The following VAPA variants were observed in gnomAD, a reference collection of about 807,000 sequenced individuals.
VAPA encodes the protein VAMP associated protein A, also known as vesicle-associated membrane protein-associated protein A.
VAPA carries 6 observed loss-of-function variants against 25.6 expected under a neutral mutation model. That is an observed-to-expected ratio of 0.23 (90% CI 0.13 to 0.46). The LOEUF is 0.46. Ranked by LOEUF, VAPA falls within the 20% of genes least tolerant of loss-of-function variation. The pLI is 0.99. For synonymous variants in VAPA, 112 were observed against 106.2 expected, an observed-to-expected ratio of 1.05 and a Z score of -0.34; for missense variants, 244 against 302.1, an observed-to-expected ratio of 0.81 and a Z score of 1.43.
At chr18:9,932,490 G>A (rs2069265794) in intron 2 of VAPA, among the ~76,000 whole-genome samples, 1 of 152,164 alleles carries the variant, frequency 6.6e-6, no homozygotes, top group African/African-American at 2.4e-5. Context: ...ACTTGTCAAA[G>A]AAGTATGCTT....
chr18:9,956,013 T>C lies in VAPA; in HGVS notation c.*1802T>C, dbSNP rs567051931. On this transcript the variant is annotated 3_prime_UTR_variant, in exon 6 of 6. Coordinates refer to ENST00000400000, the MANE Select transcript of VAPA (RefSeq NM_194434.3). The stretch of plus-strand genomic sequence containing the variant: ...TAAAGCTCTTATATAATCAATATTA[T>C]TGGTGGTAAATACCAAGTTTGGTAT... The C allele has an allele frequency of 1.3e-5, 2 of 152,342 alleles. No homozygotes were observed. Among genetic ancestry groups the C allele is most frequent in the East Asian group, 3.9e-4 (2 of 5,188 alleles). 9.4% of individuals were successfully genotyped at this position (152,342 alleles called of 1,614,324 possible). A position where few individuals can be genotyped will look rare whatever the true frequency, so the allele number is the denominator to read the frequency against.
At position 9,954,989 on chromosome 18, in the gene VAPA, G is replaced by A. The variant is rs909546837; in HGVS notation, c.*778G>A. The A allele has an allele frequency of 1.4e-4, 21 of 152,102 alleles. No individual in the cohort carries two copies. Among genetic ancestry groups the A allele is most frequent in the African/African-American group, 4.6e-4 (19 of 41,410 alleles). The allele number at this position is 152,102 out of a possible 1,614,324, so 9.4% of individuals were successfully genotyped here. A position where few individuals can be genotyped will look rare whatever the true frequency, so the allele number is the denominator to read the frequency against. On this transcript the variant is annotated 3_prime_UTR_variant, in exon 6 of 6. Coordinates refer to ENST00000400000, the MANE Select transcript of VAPA (RefSeq NM_194434.3). ...AGGAAAGGAGTTGATTAAATTTTAA[G>A]GTACCACTGGTATTTTGGGAGATTA... is the stretch of plus-strand genomic sequence containing the variant.
chr18:9,937,397 A>C (rs1439076393), intron 4 of VAPA, among the ~76,000 whole-genome samples: 2 of 152,150 alleles, frequency 1.3e-5, no homozygotes, highest in African/African-American at 4.8e-5. Flanking sequence ...AAAAATACAT[A>C]TAAATTGCTT....
At chr18:9,915,861 G>A (rs148638286) in intron 1 of VAPA, 1 of 152,194 alleles carries the variant, frequency 6.6e-6, no homozygotes, top group African/African-American at 2.4e-5. Context: ...GTATTTTATT[G>A]CAAGTTTATG....
In VAPA at chr18:9,944,926, T is replaced by A. The variant is rs779132566; in HGVS notation, c.418-5469T>A. 10 of 1,613,846 alleles carry A rather than the reference T, an allele frequency of 6.2e-6. No homozygotes were observed. The African/African-American group carries it at 1.2e-4, about 19-fold the overall frequency. On this transcript the variant is annotated intron_variant, in intron 4 of 5. Transcript: ENST00000400000. The stretch of plus-strand genomic sequence containing the variant: ...ATATGTTTCCCATGCCATCTCAGGG[T>A]ATAACTCCACCAGGGAATGCTCCGA...
chr18:9,915,499 G>A (rs1176531052), intron 1 of VAPA, among the ~76,000 whole-genome samples: 4 of 152,076 alleles, frequency 2.6e-5, no homozygotes, highest in African/African-American at 9.7e-5. Flanking sequence ...ATAGAAAGTA[G>A]GTTCCTTCCT....
At chr18:9,920,425 C>T (rs550448658) in intron 1 of VAPA, among the ~76,000 whole-genome samples, 3 of 152,334 alleles carry the variant, frequency 2.0e-5, no homozygotes, top group South Asian at 2.1e-4. Context: ...GCCTCAGCCT[C>T]CCAAGTAGCT....
At chr18:9,940,694 GT>G (rs2069358168) in intron 4 of VAPA, among the ~76,000 whole-genome samples, 1 of 152,094 alleles carries the variant, frequency 6.6e-6, no homozygotes, top group African/African-American at 2.4e-5. Flanking sequence ...CTGAAGTGGT[GT>G]TTCAATTACA....
chr18:9,914,232 GC>G lies in VAPA; in HGVS notation c.-20del. ...GTCAGCAAACCGCCGCCGCGGGCGC[GC>G]CCCCGCTCTGCGCTGTCTCTCCGAT... On this transcript the variant is annotated 5_prime_UTR_variant, in exon 1 of 6. Coordinates refer to ENST00000400000, the MANE Select transcript of VAPA (RefSeq NM_194434.3). The G allele has an allele frequency of 6.4e-7, 1 of 1,565,580 alleles. No individual in the cohort carries two copies. The highest frequency in any genetic ancestry group is 8.6e-7 in the Non-Finnish European group (1 of 1,158,246).
intron 4 of VAPA, among the ~76,000 whole-genome samples, chr18:9,944,771 CTAT>C (rs1475255552): frequency 2.0e-5 from 3 of 152,152 alleles, no homozygotes; most frequent in African/African-American, 7.2e-5. Flanking sequence ...TTTAACATAG[CTAT>C]TATTAGTATT....
intron 2 of VAPA, among the ~76,000 whole-genome samples, chr18:9,933,642 A>G (rs1431599136): frequency 1.2e-4 from 18 of 152,044 alleles, no homozygotes; most frequent in Non-Finnish European, 4.4e-5. Context: ...GATTCAAGTG[A>G]TTTTCCTGCC....
At position 9,931,786 on chromosome 18, in the gene VAPA, CTCTT is replaced by C. The variant is rs756232817; in HGVS notation, c.80-22_80-19del. 4 of 1,576,022 alleles carry C rather than the reference CTCTT, an allele frequency of 2.5e-6. No individual in the cohort carries two copies. The highest frequency in any genetic ancestry group is 4.5e-5 in the East Asian group (2 of 44,186). ...TGAGAATCCAATTAAATTTTGTTTT[CTCTT>C]TAATTTTTAAACTTTACAGGCCCCT... is the stretch of plus-strand genomic sequence containing the variant. On this transcript the variant is annotated intron_variant, in intron 1 of 5. Transcript: ENST00000400000.
chr18:9,938,897 T>C (rs1455118571), intron 4 of VAPA, among the ~76,000 whole-genome samples: 1 of 152,198 alleles, frequency 6.6e-6, no homozygotes, highest in Non-Finnish European at 1.5e-5. Flanking sequence ...TTATTATATA[T>C]AAATCCTGTT....
intron 4 of VAPA, among the ~76,000 whole-genome samples, chr18:9,944,141 G>T (rs2069397013): frequency 6.6e-6 from 1 of 151,828 alleles, no homozygotes; most frequent in East Asian, 1.9e-4. Flanking sequence ...GAGCCACCGC[G>T]CCTGACCTTG....
chr18:9,916,602 C>T (rs1023231445), intron 1 of VAPA, among the ~76,000 whole-genome samples: 13 of 152,014 alleles, frequency 8.6e-5, no homozygotes, highest in South Asian at 2.1e-4. Context: ...GTGTTTGATT[C>T]CTTAATATTA....
intron 1 of VAPA, among the ~76,000 whole-genome samples, chr18:9,919,884 T>C (rs891411534): frequency 1.3e-5 from 2 of 152,114 alleles, no homozygotes; most frequent in Non-Finnish European, 2.9e-5. Context: ...GAGAAAGAGA[T>C]GAATTAGGCG....
chr18:9,925,575 G>A lies in VAPA; in HGVS notation c.80-6235G>A, dbSNP rs191420379. Among the ~76,000 whole-genome samples, 236 of 151,792 alleles carry A rather than the reference G, an allele frequency of 1.6e-3. 1 individual carries two copies. Among genetic ancestry groups the A allele is most frequent in the Middle Eastern group, 0.01 (3 of 292 alleles). ...ACACCAGGCATTGTGTTAGTTGCTG[G>A]GGATACAGCAGCTAACGAAACAAAG... On this transcript the variant is annotated intron_variant, in intron 1 of 5. Transcript: ENST00000400000.
intron 1 of VAPA, among the ~76,000 whole-genome samples, chr18:9,915,360 A>G (rs983153963): frequency 4.6e-5 from 7 of 152,208 alleles, no homozygotes; most frequent in African/African-American, 1.7e-4. Flanking sequence ...TGATCCTGGA[A>G]GAATCCCAGG....
At chr18:9,921,172 T>G (rs1183197543) in intron 1 of VAPA, among the ~76,000 whole-genome samples, 1 of 152,236 alleles carries the variant, frequency 6.6e-6, no homozygotes, top group Non-Finnish European at 1.5e-5. Context: ...TCCAGTAATT[T>G]TTATTTTTTG....
Sources: gnomAD v4.1 joint callset for allele counts (sites outside exome capture counted in the v4.1 genomes callset) on GRCh38, gnomAD v4.1.1 for gene constraint, MANE v1.5 for transcripts, NCBI Gene and HGNC (gene_info 2026-07-23, HGNC 2026-07-21) for gene names.